The following CFAP299 variants were observed in gnomAD, a reference collection of about 807,000 sequenced individuals.
CFAP299 encodes the protein cilia- and flagella-associated protein 299.
In CFAP299, 21 loss-of-function variants were observed where a neutral mutation model predicts 27.0. The observed-to-expected ratio is 0.78, with a 90% CI of 0.55 to 1.12. The LOEUF (loss-of-function observed/expected upper bound fraction) is 1.12, where lower values mean the gene tolerates loss of function less well. Ranked by LOEUF, CFAP299 falls within the 50% of genes most tolerant of loss-of-function variation. CFAP299 has a pLI of 0.00. For synonymous variants in CFAP299, 104 were observed against 98.1 expected, an observed-to-expected ratio of 1.06 and a Z score of -0.36; for missense variants, 310 against 276.6, an observed-to-expected ratio of 1.12 and a Z score of -0.86.
chr4:80,953,128 G>C (rs1320454002), intron 5 of CFAP299, among the ~76,000 whole-genome samples: 2 of 152,142 alleles, frequency 1.3e-5, no homozygotes, highest in East Asian at 3.9e-4. Context: ...CAAGGTTATG[G>C]CTTCCGCAAC....
At chr4:80,688,089 G>T (rs1720348084) in intron 3 of CFAP299, among the ~76,000 whole-genome samples, 1 of 152,224 alleles carries the variant, frequency 6.6e-6, no homozygotes, top group Admixed American at 6.5e-5. Context: ...AGATCAAACT[G>T]CAAGACGGCA....
At chr4:80,449,875 A>T (rs1728815092) in intron 2 of CFAP299, among the ~76,000 whole-genome samples, 1 of 152,120 alleles carries the variant, frequency 6.6e-6, no homozygotes, top group South Asian at 2.1e-4. Flanking sequence ...AAAATGTACA[A>T]CTTCTTTCTC....
At chr4:80,349,773 G>A (rs1722930647) in intron 1 of CFAP299, among the ~76,000 whole-genome samples, 2 of 152,210 alleles carry the variant, frequency 1.3e-5, no homozygotes, top group African/African-American at 2.4e-5. Flanking sequence ...TATAGGAAAC[G>A]TCATACTCAG....
intron 3 of CFAP299, among the ~76,000 whole-genome samples, chr4:80,844,608 T>A (rs1249638324): frequency 1.3e-5 from 2 of 152,164 alleles, no homozygotes; most frequent in African/African-American, 4.8e-5. Flanking sequence ...GTTGTTTGTT[T>A]TTTTCTTGTA....
intron 3 of CFAP299, among the ~76,000 whole-genome samples, chr4:80,618,813 A>G (rs1045809277): frequency 6.6e-6 from 1 of 152,046 alleles, no homozygotes; most frequent in African/African-American, 2.4e-5. Flanking sequence ...TAGTGTAATA[A>G]GGGTAAGTAT....
chr4:80,771,014 A>G (rs894949319), intron 3 of CFAP299, among the ~76,000 whole-genome samples: 14 of 152,110 alleles, frequency 9.2e-5, no homozygotes, highest in African/African-American at 3.4e-4. Context: ...CTGATCAATA[A>G]CCAATTATGG....
intron 3 of CFAP299, among the ~76,000 whole-genome samples, chr4:80,821,833 CA>C (rs1184490177): frequency 6.6e-6 from 1 of 151,970 alleles, no homozygotes; most frequent in Non-Finnish European, 1.5e-5. Context: ...ATTGTTCATC[CA>C]AGGGGAAACA....
chr4:80,601,402 A>G (rs142243076), intron 3 of CFAP299, among the ~76,000 whole-genome samples: 8 of 152,328 alleles, frequency 5.3e-5, no homozygotes, highest in African/African-American at 1.9e-4. Context: ...TGTAAGTCAT[A>G]TGAATAAATA....
intron 3 of CFAP299, among the ~76,000 whole-genome samples, chr4:80,673,360 C>T (rs1741619065): frequency 6.6e-6 from 1 of 152,166 alleles, no homozygotes; most frequent in South Asian, 2.1e-4. Context: ...TTTGATTGCA[C>T]TGTGGTCTGA....
chr4:80,891,360 C>A (rs78377515), intron 4 of CFAP299, among the ~76,000 whole-genome samples: 3,171 of 151,698 alleles, frequency 0.021, 116 homozygotes, highest in East Asian at 0.14. Context: ...TGTCAAAGAT[C>A]AACCCAAATG....
At chr4:80,528,085 G>A (rs1001773153) in intron 2 of CFAP299, among the ~76,000 whole-genome samples, 9 of 152,034 alleles carry the variant, frequency 5.9e-5, no homozygotes, top group Non-Finnish European at 1.2e-4. Context: ...TAAGATTATT[G>A]ATTTCTAGTA....
At chr4:80,493,966 G>A (rs1423101785) in intron 2 of CFAP299, among the ~76,000 whole-genome samples, 4 of 151,234 alleles carry the variant, frequency 2.6e-5, no homozygotes, top group African/African-American at 4.9e-5. Flanking sequence ...TAGTAGAGAC[G>A]GGGTTTCACC....
chr4:80,344,650 G>T lies in CFAP299; in HGVS notation c.111+8771G>T, dbSNP rs185323977. Among the ~76,000 whole-genome samples, 275 of 152,234 alleles carry T rather than the reference G, an allele frequency of 1.8e-3. 1 individual carries two copies. The highest frequency in any genetic ancestry group is 0.014 in the Middle Eastern group (4 of 294). The stretch of plus-strand genomic sequence containing the variant: ...GAACTCCTCCCTGTTTATAAAGCCA[G>T]TATTATCCTGATACCATAACTTGGC... On this transcript the variant is annotated intron_variant, in intron 1 of 5. Coordinates refer to ENST00000358105, the MANE Select transcript of CFAP299 (RefSeq NM_152770.3).
At chr4:80,633,006 C>T (rs971967550) in intron 3 of CFAP299, among the ~76,000 whole-genome samples, 2 of 152,130 alleles carry the variant, frequency 1.3e-5, no homozygotes, top group African/African-American at 4.8e-5. Flanking sequence ...CACAAAATCT[C>T]ACTAAAAGAA....
At chr4:80,607,305 A>G (rs1022846816) in intron 3 of CFAP299, among the ~76,000 whole-genome samples, 2 of 152,176 alleles carry the variant, frequency 1.3e-5, no homozygotes, top group Non-Finnish European at 2.9e-5. Context: ...CCTTAGATAG[A>G]CAAGAAACAA....
chr4:80,776,691 A>T (rs111595126), intron 3 of CFAP299, among the ~76,000 whole-genome samples: 1,618 of 152,190 alleles, frequency 0.011, 28 homozygotes, highest in African/African-American at 0.036. Flanking sequence ...ACCATGGCAC[A>T]TGTATACCTA....
At chr4:80,537,199 G>A (rs1381258509) in intron 2 of CFAP299, among the ~76,000 whole-genome samples, 1 of 152,008 alleles carries the variant, frequency 6.6e-6, no homozygotes, top group African/African-American at 2.4e-5. Flanking sequence ...TATTGATGAG[G>A]ATGTAGAGAA....
chr4:80,378,633 C>A (rs1295001606), intron 2 of CFAP299, among the ~76,000 whole-genome samples: 2 of 151,958 alleles, frequency 1.3e-5, no homozygotes, highest in African/African-American at 2.4e-5. Flanking sequence ...ATATTAAATT[C>A]TGTCAGATGA....
At chr4:80,675,523 G>A (rs7679601) in intron 3 of CFAP299, among the ~76,000 whole-genome samples, 4,475 of 152,296 alleles carry the variant, frequency 0.029, 236 homozygotes, top group African/African-American at 0.1. Flanking sequence ...CAGTCTGTCC[G>A]TTCTCAGAGC....
Sources: gnomAD v4.1 joint callset for allele counts (sites outside exome capture counted in the v4.1 genomes callset) on GRCh38, gnomAD v4.1.1 for gene constraint, MANE v1.5 for transcripts, NCBI Gene and HGNC (gene_info 2026-07-23, HGNC 2026-07-21) for gene names.